The following PLCB4 variants were observed in gnomAD, a reference collection of about 807,000 sequenced individuals.
PLCB4 encodes the protein phospholipase C beta 4.
A neutral mutation model predicts 178.8 loss-of-function variants in PLCB4; 77 were observed. The ratio of observed to expected loss-of-function variants is 0.43; its 90% confidence interval spans 0.36 to 0.52. The LOEUF is 0.52. Among genes scored for constraint, PLCB4 ranks in the 20% least tolerant of loss-of-function variants. The pLI, the probability that PLCB4 is intolerant of heterozygous loss-of-function variation, is 0.00. For synonymous variants in PLCB4, 496 were observed against 490.8 expected (o/e 1.01, Z -0.14); for missense variants, 1,024 against 1,453.4 (o/e 0.70, Z 4.80).
At chr20:9,453,726 A>G (rs1213101814) in intron 33 of PLCB4, among the ~76,000 whole-genome samples, 1 of 152,226 alleles carries the variant, frequency 6.6e-6, no homozygotes, top group African/African-American at 2.4e-5. Context: ...TATTTCTAAT[A>G]TGAGAAAGAA....
chr20:9,310,978 C>T (rs547214457), intron 4 of PLCB4, among the ~76,000 whole-genome samples: 3 of 152,296 alleles, frequency 2.0e-5, no homozygotes, highest in Middle Eastern at 3.4e-3. Flanking sequence ...TTGACTTACA[C>T]GTTACTTAAA....
intron 25 of PLCB4, among the ~76,000 whole-genome samples, chr20:9,415,315 G>A (rs1204447753): frequency 6.6e-6 from 1 of 152,056 alleles, no homozygotes; most frequent in South Asian, 2.1e-4. Context: ...AGTTGACCAG[G>A]GGTAGCTGAA....
intron 3 of PLCB4, among the ~76,000 whole-genome samples, chr20:9,240,374 C>T (rs560665456): frequency 6.6e-6 from 1 of 152,094 alleles, no homozygotes; most frequent in African/African-American, 2.4e-5. Context: ...GTTCTGAGCC[C>T]AATAATGATA....
intron 2 of PLCB4, among the ~76,000 whole-genome samples, chr20:9,134,857 G>A (rs1194436123): frequency 6.6e-6 from 1 of 152,074 alleles, no homozygotes; most frequent in African/African-American, 2.4e-5. Flanking sequence ...ATTTTAAATA[G>A]GAAAGCTAGA....
chr20:9,355,293 G>T (rs1048448976), intron 7 of PLCB4, among the ~76,000 whole-genome samples: 1 of 151,012 alleles, frequency 6.6e-6, no homozygotes, highest in Non-Finnish European at 1.5e-5. Context: ...TTTATATTTT[G>T]TATTATTATT....
chr20:9,273,937 T>G (rs1309550132), intron 3 of PLCB4, among the ~76,000 whole-genome samples: 2 of 152,004 alleles, frequency 1.3e-5, no homozygotes, highest in Non-Finnish European at 2.9e-5. Context: ...TGGCAGGATA[T>G]TAACTAGGAA....
chr20:9,321,041 A>G (rs549571254), intron 4 of PLCB4, among the ~76,000 whole-genome samples: 3 of 152,254 alleles, frequency 2.0e-5, no homozygotes, highest in Non-Finnish European at 4.4e-5. Context: ...AATCTTCCTC[A>G]AACAGGCAAC....
At chr20:9,381,008 G>A (rs183385672) in intron 13 of PLCB4, among the ~76,000 whole-genome samples, 4 of 152,020 alleles carry the variant, frequency 2.6e-5, no homozygotes, top group Admixed American at 6.6e-5. Flanking sequence ...CTCTTTTTAG[G>A]TATACCTGGC....
At chr20:9,315,126 C>T (rs1428980391) in intron 4 of PLCB4, among the ~76,000 whole-genome samples, 2 of 152,090 alleles carry the variant, frequency 1.3e-5, no homozygotes, top group African/African-American at 4.8e-5. Flanking sequence ...GAAAAAGAAC[C>T]TCTGACAGAA....
intron 7 of PLCB4, among the ~76,000 whole-genome samples, chr20:9,347,726 C>T (rs968166588): frequency 1.3e-5 from 2 of 152,142 alleles, no homozygotes; most frequent in African/African-American, 4.8e-5. Flanking sequence ...ACCTGTAATC[C>T]CAGCAGTTTG....
At chr20:9,091,284 G>C (rs6118485) in intron 1 of PLCB4, among the ~76,000 whole-genome samples, 4,791 of 152,118 alleles carry the variant, frequency 0.031, 91 homozygotes, top group Non-Finnish European at 0.044. Flanking sequence ...AAATGAGCTA[G>C]AGAAAGTCAC....
At chr20:9,468,420 G>T (rs2043953093) in intron 35 of PLCB4, 151 bp from the exon 36 acceptor site, 5 of 603,714 alleles carry the variant, frequency 8.3e-6, no homozygotes, top group Non-Finnish European at 1.5e-5. Context: ...ACCATTAAGT[G>T]CATGACATTA....
Position 9,409,047 on chromosome 20 carries a change from T to TA in PLCB4, c.1875-8dup. The TA allele has an allele frequency of 6.2e-7, 1 of 1,607,530 alleles. No individual in the cohort carries two copies. The highest frequency in any genetic ancestry group is 2.2e-5 in the East Asian group (1 of 44,846). ...GACTCTTTTTTTCTGTTTTCCTTAA[T>TA]AAGTTACAGTTATAACAAACGGCAA... On this transcript the variant is annotated splice_polypyrimidine_tract_variant and intron_variant, in intron 23 of 39. Coordinates refer to ENST00000378473, the MANE Select transcript of PLCB4 (RefSeq NM_001377142.1).
rs376147834 is a variant in PLCB4, at chr20:9,115,552, A to G, written c.-79+19210A>G. ...ATTAACTCGTCATTTAACATTAGGT[A>G]TATCTCCTAATGCTATCCCTCCCCC... On this transcript the variant is annotated intron_variant, in intron 2 of 39. Coordinates refer to ENST00000378473, the MANE Select transcript of PLCB4 (RefSeq NM_001377142.1). 5.4e-5 allele frequency among the ~76,000 whole-genome samples: 8 copies of G among 148,158 alleles called. No homozygotes were observed. In the South Asian group the frequency reaches 9.0e-4, roughly 17 times the overall value.
intron 2 of PLCB4, among the ~76,000 whole-genome samples, chr20:9,160,837 A>C (rs2092876547): frequency 6.6e-6 from 1 of 152,180 alleles, no homozygotes; most frequent in Non-Finnish European, 1.5e-5. Flanking sequence ...CTAGAAAATA[A>C]GGTTCTTTCT....
chr20:9,128,373 C>A (rs1044296546), intron 2 of PLCB4, among the ~76,000 whole-genome samples: 1 of 152,126 alleles, frequency 6.6e-6, no homozygotes, highest in African/African-American at 2.4e-5. Context: ...TCAGGCATTT[C>A]TTTGTAGAGA....
chr20:9,310,511 C>G (rs1361253345), intron 4 of PLCB4, among the ~76,000 whole-genome samples: 1 of 151,950 alleles, frequency 6.6e-6, no homozygotes, highest in South Asian at 2.1e-4. Flanking sequence ...GAGATTGAGA[C>G]CATTCTGGCT....
chr20:9,291,125 C>A (rs533814033), intron 3 of PLCB4, among the ~76,000 whole-genome samples: 1 of 152,102 alleles, frequency 6.6e-6, no homozygotes, highest in Non-Finnish European at 1.5e-5. Flanking sequence ...AAGGCAGACT[C>A]ATTTTTAAAA....
chr20:9,216,287 G>C (rs988771768), intron 2 of PLCB4, among the ~76,000 whole-genome samples: 1 of 144,876 alleles, frequency 6.9e-6, no homozygotes, highest in Non-Finnish European at 1.5e-5. Flanking sequence ...GTGCCATCTC[G>C]GCTTGCTGCA....
Sources: allele counts gnomAD v4.1 joint callset (sites outside exome capture counted in the v4.1 genomes callset), GRCh38; gene constraint gnomAD v4.1.1; transcripts MANE v1.5; gene names NCBI Gene and HGNC (gene_info 2026-07-23, HGNC 2026-07-21).